PDZD2: variants seen among roughly 807,000 people sequenced by gnomAD.
The protein encoded by PDZD2 is PDZ domain containing 2.
PDZD2 carries 90 observed loss-of-function variants against 220.7 expected under a neutral mutation model. The observed-to-expected ratio is 0.41, with a 90% CI of 0.34 to 0.49. PDZD2 has a LOEUF of 0.49. Among genes scored for constraint, PDZD2 ranks in the 20% least tolerant of loss-of-function variants. The pLI, the probability that PDZD2 is intolerant of heterozygous loss-of-function variation, is 0.28. For missense variants in PDZD2, 3,174 were observed against 3,608.5 expected (o/e 0.88, Z 3.08); for synonymous variants, 1,375 against 1,450.5 (o/e 0.95, Z 1.18).
intron 2 of PDZD2, among the ~76,000 whole-genome samples, chr5:31,872,032 GA>G (rs1738852168): frequency 8.2e-6 from 1 of 121,816 alleles, no homozygotes; most frequent in South Asian, 2.7e-4. Context: ...TATTTTCTTT[GA>G]AATCAAGGGA....
chr5:31,768,093 C>G (rs534125757), intron 1 of PDZD2, among the ~76,000 whole-genome samples: 1 of 152,316 alleles, frequency 6.6e-6, no homozygotes, highest in South Asian at 2.1e-4. Context: ...GAGGCACCAA[C>G]TACACAGAAC....
At position 32,109,043 on chromosome 5, in the gene PDZD2, CA is replaced by C. The variant is rs1561629336; in HGVS notation, c.*909del. ...AAGAGCAGACAAAAATATCACAAGT[CA>C]GTCAGTCACTGGGTTTCCATTTCTG... On this transcript the variant is annotated 3_prime_UTR_variant, in exon 25 of 25. Transcript: ENST00000438447. 3.4e-5 allele frequency: 1 copy of C among 29,080 alleles called. No homozygotes were observed. The highest frequency in any genetic ancestry group is 1.2e-4 in the Non-Finnish European group (1 of 8,404). The allele number at this position is 29,080 out of a possible 1,614,324, so 1.8% of individuals were successfully genotyped here.
intron 1 of PDZD2, among the ~76,000 whole-genome samples, chr5:31,781,915 G>C (rs1753080868): frequency 6.7e-6 from 1 of 149,254 alleles, no homozygotes; most frequent in African/African-American, 2.5e-5. Flanking sequence ...AGCAGATTTG[G>C]GCATATGAGA....
intron 2 of PDZD2, among the ~76,000 whole-genome samples, chr5:31,896,876 G>T (rs552617557): frequency 6.6e-6 from 1 of 152,230 alleles, no homozygotes; most frequent in East Asian, 1.9e-4. Flanking sequence ...AGGATTGCTT[G>T]AGCCTGGGAG....
intron 2 of PDZD2, among the ~76,000 whole-genome samples, chr5:31,890,050 C>G (rs527408137): frequency 6.6e-6 from 1 of 150,590 alleles, no homozygotes; most frequent in African/African-American, 2.4e-5. Flanking sequence ...CAAACACCCC[C>G]CCACCCCCAC....
At chr5:32,096,168 C>T (rs911666735) in intron 21 of PDZD2, among the ~76,000 whole-genome samples, 36 of 152,112 alleles carry the variant, frequency 2.4e-4, no homozygotes, top group African/African-American at 6.5e-4. Flanking sequence ...TACTGGGTCC[C>T]GTATTCCCAT....
intron 2 of PDZD2, among the ~76,000 whole-genome samples, chr5:31,862,979 G>A (rs1465114237): frequency 1.3e-5 from 2 of 152,032 alleles, no homozygotes; most frequent in South Asian, 2.1e-4. Flanking sequence ...TGCCTGCCTC[G>A]GCCTCCCAAG....
At chr5:31,735,053 C>T (rs553939712) in intron 1 of PDZD2, among the ~76,000 whole-genome samples, 3 of 152,158 alleles carry the variant, frequency 2.0e-5, no homozygotes, top group Non-Finnish European at 4.4e-5. Flanking sequence ...ATTCATTTCT[C>T]GGTCAGGTCA....
chr5:32,006,681 CTTTTTTT>C (rs76703572), intron 5 of PDZD2, among the ~76,000 whole-genome samples: 13 of 116,636 alleles, frequency 1.1e-4, no homozygotes, highest in African/African-American at 4.3e-4. Flanking sequence ...GGCTCAACAC[CTTTTTTT>C]TTTTTTTTTT....
At position 31,735,755 on chromosome 5, in the gene PDZD2, G is replaced by A. The variant is rs1020504753; in HGVS notation, c.-360-63134G>A. On this transcript the variant is annotated intron_variant, in intron 1 of 24. Transcript: ENST00000438447. ...AGGTCAAGAGATCGAGATCATCCTG[G>A]CCAACATGGTGAAACCCCGTCTCTA... is the stretch of plus-strand genomic sequence containing the variant. Among the ~76,000 whole-genome samples the A allele has an allele frequency of 2.5e-4, 38 of 152,262 alleles. 1 individual carries two copies. The highest frequency in any genetic ancestry group is 6.0e-4 in the African/African-American group (25 of 41,550).
At chr5:31,854,961 C>A (rs1213688192) in intron 2 of PDZD2, 6 of 985,232 alleles carry the variant, frequency 6.1e-6, no homozygotes, top group Non-Finnish European at 7.2e-6. Context: ...GAGCAGCCTT[C>A]GGGAAGTCCT....
At chr5:31,780,255 T>C (rs1460511934) in intron 1 of PDZD2, among the ~76,000 whole-genome samples, 1 of 148,550 alleles carries the variant, frequency 6.7e-6, no homozygotes, top group East Asian at 2.0e-4. Flanking sequence ...GGGTGGGGGG[T>C]GGAGTCGGCA....
intron 2 of PDZD2, among the ~76,000 whole-genome samples, chr5:31,854,614 G>T (rs977308587): frequency 6.6e-6 from 1 of 152,164 alleles, no homozygotes; most frequent in Non-Finnish European, 1.5e-5. Context: ...GCAATGGCTC[G>T]GAGGGAGAAC....
chr5:31,703,548 C>T (rs750396197), intron 1 of PDZD2, among the ~76,000 whole-genome samples: 20 of 152,030 alleles, frequency 1.3e-4, no homozygotes, highest in Non-Finnish European at 2.4e-4. Context: ...ACCTAGATGA[C>T]GGGTTGATGG....
In PDZD2 at chr5:32,108,829, T is replaced by C. The variant is rs1448041240; in HGVS notation, c.*694T>C. On this transcript the variant is annotated 3_prime_UTR_variant, in exon 25 of 25. Transcript: ENST00000438447. ...ATAGGTTATTGATCACCATGAAGTA[T>C]TGATCATTTTCTATCTCAAAAGTGT... 2 of 152,802 alleles carry C rather than the reference T, an allele frequency of 1.3e-5. No homozygotes were observed. Among genetic ancestry groups the C allele is most frequent in the African/African-American group, 2.4e-5 (1 of 41,580 alleles). 9.5% of individuals were successfully genotyped at this position (152,802 alleles called of 1,614,324 possible).
chr5:31,853,991 C>T (rs1380043284), intron 2 of PDZD2, among the ~76,000 whole-genome samples: 3 of 152,116 alleles, frequency 2.0e-5, no homozygotes, highest in Admixed American at 1.3e-4. Context: ...GCAGACGTTC[C>T]ATAAAGGCTT....
intron 2 of PDZD2, among the ~76,000 whole-genome samples, chr5:31,837,539 C>T (rs570530845): frequency 2.0e-5 from 3 of 152,068 alleles, no homozygotes; most frequent in African/African-American, 7.2e-5. Context: ...CCTGGCCAAC[C>T]TGGTGAAACC....
At chr5:31,738,972 G>A (rs899672470) in intron 1 of PDZD2, among the ~76,000 whole-genome samples, 9 of 151,532 alleles carry the variant, frequency 5.9e-5, no homozygotes, top group African/African-American at 1.5e-4. Flanking sequence ...TGCAACCTCC[G>A]CTTCCTGGGT....
chr5:31,840,935 A>C, intron 2 of PDZD2: 1 of 479,454 alleles, frequency 2.1e-6, no homozygotes, highest in Non-Finnish European at 3.7e-6. Context: ...TGGAGAACAT[A>C]CTGGGTGTCT....
Sources: gnomAD v4.1 joint callset for allele counts (sites outside exome capture counted in the v4.1 genomes callset) on GRCh38, gnomAD v4.1.1 for gene constraint, MANE v1.5 for transcripts, NCBI Gene and HGNC (gene_info 2026-07-23, HGNC 2026-07-21) for gene names.